Variants in NSMCE1 observed in about 807,000 individuals in gnomAD.
The protein encoded by NSMCE1 is NSE1 component of SMC5/6 complex.
In NSMCE1, 18 loss-of-function variants were observed where a neutral mutation model predicts 29.6. The observed-to-expected ratio is 0.61, with a 90% CI of 0.42 to 0.90. The LOEUF (loss-of-function observed/expected upper bound fraction) is 0.90. NSMCE1 is among the 40% of genes least tolerant of loss of function. NSMCE1 has a pLI of 0.00. For synonymous variants in NSMCE1, 124 were observed against 133.4 expected (o/e 0.93, Z 0.49); for missense variants, 314 against 343.6 (o/e 0.91, Z 0.68).
chr16:27,226,936 C>G, intron 5 of NSMCE1, 100 bp from the exon 6 acceptor site: 1 of 775,178 alleles, frequency 1.3e-6, no homozygotes, highest in Admixed American at 2.0e-5. Flanking sequence ...CTCAGGAAGA[C>G]ACAAGGGTCT....
chr16:27,236,356 GCA>G (rs1355519584), intron 2 of NSMCE1, among the ~76,000 whole-genome samples: 1 of 139,756 alleles, frequency 7.2e-6, no homozygotes, highest in Non-Finnish European at 1.5e-5. Flanking sequence ...GAGTGCAGTA[GCA>G]CAGTCTTGGC....
At position 27,233,165 on chromosome 16, in the gene NSMCE1, T is replaced by C. The variant is rs769528445; in HGVS notation, c.337-18A>G. ...AGTTCCAGCTGGAAGAAAGAGCAGG[T>C]ATCATGCTCATCTATTAAAATGGCA... is the stretch of plus-strand genomic sequence containing the variant. On this transcript the variant is annotated intron_variant, in intron 4 of 7. Coordinates refer to ENST00000361439, the MANE Select transcript of NSMCE1 (RefSeq NM_145080.4). 1.7e-5 allele frequency: 28 copies of C among 1,603,020 alleles called. No homozygotes were observed. Among genetic ancestry groups the C allele is most frequent in the South Asian group, 4.5e-5 (4 of 88,996 alleles).
chr16:27,234,900 A>G (rs1425552804), intron 3 of NSMCE1, among the ~76,000 whole-genome samples: 1 of 152,222 alleles, frequency 6.6e-6, no homozygotes, highest in Admixed American at 6.5e-5. Flanking sequence ...ATGAGGCCCA[A>G]ATCCCTACCT....
chr16:27,242,895 A>G (rs1479346706), intron 2 of NSMCE1, among the ~76,000 whole-genome samples: 1 of 152,140 alleles, frequency 6.6e-6, no homozygotes, highest in Non-Finnish European at 1.5e-5. Context: ...GGGACGGGAG[A>G]GAGGCTTCCT....
At chr16:27,234,161 A>G (rs750801303) in intron 4 of NSMCE1, 27 bp downstream of exon 4, 3 of 1,466,800 alleles carry the variant, frequency 2.0e-6, no homozygotes, top group Non-Finnish European at 2.9e-6. Context: ...AGCCCACCCA[A>G]TGGGCAATGG....
chr16:27,232,828 G>A lies in NSMCE1; in HGVS notation c.483+173C>T, dbSNP rs1017667969. Reference sequence around the variant, plus strand: ...GTGAACGGGGAGTGGGAGGCAGGAGGAGTGAGGCCCAAGTCCTCCCCACGG... The same window carrying A: ...GTGAACGGGGAGTGGGAGGCAGGAGAAGTGAGGCCCAAGTCCTCCCCACGG... On this transcript the variant is annotated intron_variant, in intron 5 of 7. Transcript: ENST00000361439. The surrounding 1 kb of genome is among the most constrained non-coding windows in gnomAD (Gnocchi z 4.5). Among the ~76,000 whole-genome samples the A allele has an allele frequency of 1.3e-5, 2 of 152,250 alleles. No homozygotes were observed. Among genetic ancestry groups the A allele is most frequent in the Non-Finnish European group, 2.9e-5 (2 of 68,054 alleles).
At chr16:27,263,763 C>T (rs1212236533) in intron 1 of NSMCE1, among the ~76,000 whole-genome samples, 1 of 152,068 alleles carries the variant, frequency 6.6e-6, no homozygotes, top group Non-Finnish European at 1.5e-5. Flanking sequence ...CAACATGTAC[C>T]TACACCAAAA....
At chr16:27,248,406 CTTTTTTT>C (rs756697569) in intron 2 of NSMCE1, among the ~76,000 whole-genome samples, 10 of 84,770 alleles carry the variant, frequency 1.2e-4, no homozygotes, top group East Asian at 3.8e-4. Context: ...TTTTAGTTTG[CTTTTTTT>C]TTTTTTTTTT....
intron 5 of NSMCE1, among the ~76,000 whole-genome samples, chr16:27,227,783 C>CT (rs1239133211): frequency 0.029 from 1,881 of 65,934 alleles, 25 homozygotes; most frequent in African/African-American, 0.042. Context: ...CTTTTCTTTT[C>CT]TTTTTTTTTT....
chr16:27,267,903 G>A (rs968876125), intron 1 of NSMCE1, among the ~76,000 whole-genome samples: 1 of 151,844 alleles, frequency 6.6e-6, no homozygotes, highest in African/African-American at 2.4e-5. Flanking sequence ...CACCACGCCC[G>A]GCTAATTTTT....
At chr16:27,261,169 A>G (rs1371853551) in intron 1 of NSMCE1, among the ~76,000 whole-genome samples, 9 of 149,044 alleles carry the variant, frequency 6.0e-5, no homozygotes, top group Admixed American at 5.3e-4. Flanking sequence ...TCCGTCTCAA[A>G]AAAAAAAAAA....
intron 6 of NSMCE1, chr16:27,226,416 A>C: frequency 2.9e-6 from 1 of 348,026 alleles, no homozygotes; most frequent in Non-Finnish European, 5.3e-6. Context: ...GACACTCACT[A>C]CAAAACTACC....
chr16:27,235,247 G>A lies in NSMCE1; in HGVS notation c.189C>T (p.Val63=). 6.2e-7 allele frequency: 1 copy of A among 1,613,332 alleles called. No homozygotes were observed. Among genetic ancestry groups the A allele is most frequent in the Non-Finnish European group, 8.5e-7 (1 of 1,179,404 alleles). Residue 63 remains valine (V), a synonymous_variant, in exon 3 of 8, where the codon GTC becomes GTT. Coordinates refer to ENST00000361439, the MANE Select transcript of NSMCE1 (RefSeq NM_145080.4). ...LEDFINNINS[V]LESLYIEIKR... is the part of the protein sequence containing the mutation. ...TTATCTCAATATACAAGGACTCCAA[G>A]ACACTGTTAATGTTGTTGATGAAGT...
At chr16:27,255,988 C>T (rs7189192) in intron 2 of NSMCE1, among the ~76,000 whole-genome samples, 60,536 of 152,018 alleles carry the variant, frequency 0.4, 12,966 homozygotes, top group African/African-American at 0.56. Context: ...GAGGGACACC[C>T]TTTCTGGTGT....
chr16:27,249,983 G>A lies in NSMCE1; in HGVS notation c.136+7452C>T, dbSNP rs543820313. 3.9e-5 allele frequency among the ~76,000 whole-genome samples: 6 copies of A among 152,192 alleles called. No homozygotes were observed. In the South Asian group the frequency reaches 1.0e-3, roughly 26 times the overall value. ...CAGTGTACGGGTCTAACACATTTTT[G>A]CCAGATCTATTCCTAAGCATTTCTT... On this transcript the variant is annotated intron_variant, in intron 2 of 7. Coordinates refer to ENST00000361439, the MANE Select transcript of NSMCE1 (RefSeq NM_145080.4).
At chr16:27,259,978 G>T (rs889618461) in intron 1 of NSMCE1, among the ~76,000 whole-genome samples, 1 of 152,136 alleles carries the variant, frequency 6.6e-6, no homozygotes, top group South Asian at 2.1e-4. Context: ...AAAACTGAAA[G>T]AGCAAGTGAC....
intron 1 of NSMCE1, chr16:27,268,183 C>T (rs1332520728): frequency 1.3e-5 from 2 of 152,136 alleles, no homozygotes; most frequent in African/African-American, 4.8e-5. Context: ...TCCGAGAACT[C>T]CTCGATTTTA....
intron 1 of NSMCE1, among the ~76,000 whole-genome samples, chr16:27,267,192 C>G (rs567808154): frequency 6.6e-6 from 1 of 151,750 alleles, no homozygotes; most frequent in Admixed American, 6.6e-5. Flanking sequence ...TACATCTATA[C>G]GTTTAAATTT....
chr16:27,245,559 T>C (rs930575881), intron 2 of NSMCE1, among the ~76,000 whole-genome samples: 4 of 152,216 alleles, frequency 2.6e-5, no homozygotes, highest in African/African-American at 7.2e-5. Flanking sequence ...CGGGCAGGAC[T>C]TGGACACATC....
Sources: gnomAD v4.1 joint callset for allele counts (sites outside exome capture counted in the v4.1 genomes callset) on GRCh38, gnomAD v4.1.1 for gene constraint, Gnocchi (gnomAD v3.1) non-coding constraint, MANE v1.5 for transcripts, NCBI Gene and HGNC (gene_info 2026-07-23, HGNC 2026-07-21) for gene names.